Variants in GPD2 observed in about 807,000 individuals in gnomAD.
GPD2 encodes the protein glycerol-3-phosphate dehydrogenase, mitochondrial.
A neutral mutation model predicts 82.4 loss-of-function variants in GPD2; 54 were observed. The observed-to-expected ratio is 0.66, with a 90% CI of 0.53 to 0.82. The LOEUF is 0.82. Ranked by LOEUF, GPD2 falls within the 40% of genes least tolerant of loss-of-function variation. The pLI, the probability that GPD2 is intolerant of heterozygous loss-of-function variation, is 0.00. For synonymous variants in GPD2, 288 were observed against 306.1 expected, an observed-to-expected ratio of 0.94 and a Z score of 0.62; for missense variants, 748 against 896.2, an observed-to-expected ratio of 0.83 and a Z score of 2.11.
chr2:156,507,116 C>G (rs1030703538), intron 3 of GPD2, among the ~76,000 whole-genome samples: 9 of 151,662 alleles, frequency 5.9e-5, no homozygotes, highest in African/African-American at 2.2e-4. Context: ...TGGGTTCAAG[C>G]GATTCTCCTG....
At chr2:156,417,940 G>T in the GPD2 span, among the ~76,000 whole-genome samples, 1 of 152,116 alleles carries the variant, frequency 6.6e-6, no homozygotes, top group Admixed American at 6.5e-5. Flanking sequence ...CATTAGGCTG[G>T]GTGCCATGGC....
intron 1 of GPD2, among the ~76,000 whole-genome samples, chr2:156,438,305 G>A (rs971014524): frequency 6.6e-6 from 1 of 152,178 alleles, no homozygotes; most frequent in African/African-American, 2.4e-5. Context: ...ATGCTATGAC[G>A]TGTGTAAAAT....
chr2:156,436,636 G>C (rs1681935022), intron 1 of GPD2, 123 bp downstream of exon 1: 1 of 152,294 alleles, frequency 6.6e-6, no homozygotes, highest in Admixed American at 6.5e-5. Flanking sequence ...GCGGGAAACG[G>C]GAAAGATTTA....
intron 1 of GPD2, among the ~76,000 whole-genome samples, chr2:156,468,862 A>C (rs537891568): frequency 3.4e-4 from 52 of 152,170 alleles, no homozygotes; most frequent in African/African-American, 1.2e-3. Flanking sequence ...GTTATTTTTA[A>C]ATGTACAGTA....
chr2:156,428,382 G>A, the GPD2 span, among the ~76,000 whole-genome samples: 8 of 152,308 alleles, frequency 5.3e-5, no homozygotes, highest in South Asian at 1.5e-3. Flanking sequence ...CTTTGTGAGG[G>A]CAGGACTTTT....
Position 156,568,990 on chromosome 2 carries a change from C to CTTTTTTTTTTTTTTTTTTT in GPD2, c.1300+47_1300+48insTTTTTTTTTTTTTTTTTTT. ...AGATACTACCTTGTTATTTTCTTTT[C>CTTTTTTTTTTTTTTTTTTT]TTTTTTTTTTTTTTTTGTTATAGGG... On this transcript the variant is annotated intron_variant, in intron 10 of 16. Coordinates refer to ENST00000438166, the MANE Select transcript of GPD2 (RefSeq NM_000408.5). The CTTTTTTTTTTTTTTTTTTT allele has an allele frequency of 3.2e-6, 4 of 1,253,288 alleles. No homozygotes were observed. In the Admixed American group the frequency reaches 6.5e-5, roughly 20 times the overall value. 77.6% of individuals were successfully genotyped at this position (1,253,288 alleles called of 1,614,324 possible).
chr2:156,576,499 C>G (rs1329093658), intron 13 of GPD2, among the ~76,000 whole-genome samples: 1 of 151,772 alleles, frequency 6.6e-6, no homozygotes, highest in East Asian at 1.9e-4. Context: ...TTGTTCTACC[C>G]TAGGAAAGGA....
At position 156,585,783 on chromosome 2, in the gene GPD2, C is replaced by T. The variant is rs1396195872; in HGVS notation, c.*2865C>T. 1 of 152,402 alleles carries T rather than the reference C, an allele frequency of 6.6e-6. No homozygotes were observed. The highest frequency in any genetic ancestry group is 1.5e-5 in the Non-Finnish European group (1 of 67,962). 9.4% of individuals were successfully genotyped at this position (152,402 alleles called of 1,614,324 possible). A position where few individuals can be genotyped will look rare whatever the true frequency, so the allele number is the denominator to read the frequency against. On this transcript the variant is annotated 3_prime_UTR_variant, in exon 17 of 17. Transcript: ENST00000438166. ...TGGCATATGAATGTAATATTAAAGT[C>T]AATGATGCTATAACTTGCGATGTTT...
At chr2:156,573,675 T>C (rs1687719350) in intron 13 of GPD2, among the ~76,000 whole-genome samples, 1 of 152,118 alleles carries the variant, frequency 6.6e-6, no homozygotes, top group Non-Finnish European at 1.5e-5. Flanking sequence ...ATTTATGTGC[T>C]CAGAAATGCT....
chr2:156,511,016 T>C, intron 4 of GPD2, 96 bp downstream of exon 4: 1 of 1,036,978 alleles, frequency 9.6e-7, no homozygotes, highest in East Asian at 2.4e-5. Flanking sequence ...CTTAAAAGCA[T>C]TTCTTCCTGT....
At chr2:156,412,020 G>T in the GPD2 span, among the ~76,000 whole-genome samples, 9 of 152,254 alleles carry the variant, frequency 5.9e-5, no homozygotes, top group African/African-American at 1.9e-4. Context: ...TGAAAACACT[G>T]AAACCATGCA....
chr2:156,453,924 A>G (rs1280429525), intron 1 of GPD2, among the ~76,000 whole-genome samples: 1 of 152,162 alleles, frequency 6.6e-6, no homozygotes, highest in African/African-American at 2.4e-5. Flanking sequence ...ATGAAGACAG[A>G]TGAGTCTGGA....
chr2:156,525,610 G>A (rs1015094959), intron 6 of GPD2, among the ~76,000 whole-genome samples: 19 of 152,244 alleles, frequency 1.2e-4, no homozygotes, highest in South Asian at 6.2e-4. Context: ...TTTATTTAAC[G>A]TTATCAATCA....
intron 3 of GPD2, among the ~76,000 whole-genome samples, chr2:156,504,080 AATCTGTTTTCTAATAT>A (rs946667801): frequency 7.9e-5 from 12 of 151,292 alleles, no homozygotes; most frequent in South Asian, 2.1e-4. Flanking sequence ...TATCTCTATT[AATCTGTTTTCTAATAT>A]ATCTGTTTTC....
At chr2:156,412,925 C>T in the GPD2 span, among the ~76,000 whole-genome samples, 7 of 152,050 alleles carry the variant, frequency 4.6e-5, no homozygotes, top group Non-Finnish European at 8.8e-5. Flanking sequence ...AGTGAAACCC[C>T]TTCTCTACAA....
intron 1 of GPD2, among the ~76,000 whole-genome samples, chr2:156,461,763 TG>T (rs1682996872): frequency 6.6e-6 from 1 of 152,330 alleles, no homozygotes; most frequent in South Asian, 2.1e-4. Context: ...TTTTTATGTT[TG>T]TTTACATGTT....
chr2:156,470,623 C>T (rs146424947), intron 1 of GPD2, among the ~76,000 whole-genome samples: 8 of 152,260 alleles, frequency 5.3e-5, no homozygotes, highest in East Asian at 1.9e-4. Context: ...CCAGGAAGTG[C>T]GATCTGGTTC....
At chr2:156,537,608 G>T (rs928393390) in intron 6 of GPD2, among the ~76,000 whole-genome samples, 1 of 152,104 alleles carries the variant, frequency 6.6e-6, no homozygotes, top group South Asian at 2.1e-4. Context: ...AAGTATGAGG[G>T]TGTGCTTCTT....
At chr2:156,459,598 G>A (rs1682912223) in intron 1 of GPD2, among the ~76,000 whole-genome samples, 1 of 142,706 alleles carries the variant, frequency 7.0e-6, no homozygotes, top group African/African-American at 2.6e-5. Context: ...TGATGCAGGA[G>A]AATCGCTTGA....
Sources: gnomAD v4.1 joint callset for allele counts (sites outside exome capture counted in the v4.1 genomes callset) on GRCh38, gnomAD v4.1.1 for gene constraint, MANE v1.5 for transcripts, NCBI Gene and HGNC (gene_info 2026-07-23, HGNC 2026-07-21) for gene names.